Variants in LRMDA observed in about 807,000 individuals in gnomAD.
LRMDA encodes the protein leucine rich melanocyte differentiation associated, also known as leucine-rich melanocyte differentiation-associated protein.
A neutral mutation model predicts 29.8 loss-of-function variants in LRMDA; 18 were observed. The ratio of observed to expected loss-of-function variants is 0.60; its 90% CI spans 0.42 to 0.90. The LOEUF (loss-of-function observed/expected upper bound fraction) is 0.90, where lower values mean the gene tolerates loss of function less well. Among genes scored for constraint, LRMDA ranks in the 40% least tolerant of loss-of-function variants. LRMDA has a pLI of 0.00. For synonymous variants in LRMDA, 125 were observed against 109.4 expected (o/e 1.14, Z -0.89); for missense variants, 273 against 273.9 (o/e 1.00, Z 0.02).
intron 6 of LRMDA, among the ~76,000 whole-genome samples, chr10:76,519,971 A>C (rs1380395937): frequency 6.6e-6 from 1 of 151,936 alleles, no homozygotes; most frequent in Non-Finnish European, 1.5e-5. Context: ...GCAGAGGAAA[A>C]CTTTTTACAT....
chr10:75,772,176 G>A (rs946338447), intron 2 of LRMDA, among the ~76,000 whole-genome samples: 2 of 152,086 alleles, frequency 1.3e-5, no homozygotes, highest in Non-Finnish European at 2.9e-5. Context: ...AGAATTACAC[G>A]CTGGCACCAT....
intron 2 of LRMDA, among the ~76,000 whole-genome samples, chr10:75,934,731 C>A (rs916410080): frequency 6.6e-6 from 1 of 152,256 alleles, no homozygotes; most frequent in South Asian, 2.1e-4. Flanking sequence ...GTTTCCTGTT[C>A]ATCTGGGAAT....
At chr10:75,513,696 C>T (rs569003740) in intron 2 of LRMDA, among the ~76,000 whole-genome samples, 13 of 152,194 alleles carry the variant, frequency 8.5e-5, no homozygotes, top group African/African-American at 2.6e-4. Context: ...TTTTGGCTCT[C>T]GGCCCGGTGT....
intron 6 of LRMDA, among the ~76,000 whole-genome samples, chr10:76,524,393 C>T (rs553876026): frequency 3.9e-5 from 6 of 152,272 alleles, no homozygotes; most frequent in African/African-American, 9.6e-5. Flanking sequence ...TTAACGAAAA[C>T]GTAAACTCTG....
At chr10:76,453,193 A>G (rs1225784387) in intron 6 of LRMDA, among the ~76,000 whole-genome samples, 1 of 152,196 alleles carries the variant, frequency 6.6e-6, no homozygotes, top group South Asian at 2.1e-4. Context: ...AGGACTGATC[A>G]GTGGGTTGGA....
chr10:75,861,906 C>T (rs1483578965), intron 2 of LRMDA, among the ~76,000 whole-genome samples: 2 of 152,122 alleles, frequency 1.3e-5, no homozygotes. Flanking sequence ...TTAGAATCCA[C>T]CTGCCAGGTA....
At chr10:75,628,948 T>A (rs1841285657) in intron 2 of LRMDA, among the ~76,000 whole-genome samples, 1 of 152,254 alleles carries the variant, frequency 6.6e-6, no homozygotes, top group Non-Finnish European at 1.5e-5. Flanking sequence ...CAAATAGCCA[T>A]GGACCCCAAG....
chr10:75,903,120 A>G (rs899623261), intron 2 of LRMDA, among the ~76,000 whole-genome samples: 10 of 152,218 alleles, frequency 6.6e-5, no homozygotes, highest in African/African-American at 2.2e-4. Context: ...GTTAAAATCA[A>G]CGTATCTTGC....
intron 5 of LRMDA, among the ~76,000 whole-genome samples, chr10:76,278,098 C>T (rs1040207705): frequency 3.3e-5 from 5 of 152,148 alleles, no homozygotes; most frequent in African/African-American, 1.2e-4. Context: ...GATTTGGATG[C>T]ATTAATGAGA....
intron 2 of LRMDA, among the ~76,000 whole-genome samples, chr10:75,809,727 G>T (rs1321651313): frequency 6.6e-6 from 1 of 152,162 alleles, no homozygotes; most frequent in East Asian, 1.9e-4. Context: ...CCAACCAGTA[G>T]TCACTCACGT....
At chr10:76,210,715 C>A (rs568936051) in intron 5 of LRMDA, among the ~76,000 whole-genome samples, 153 of 152,232 alleles carry the variant, frequency 1.0e-3, no homozygotes, top group African/African-American at 3.5e-3. Context: ...ATTCATCACC[C>A]TTCTATGAAG....
At chr10:76,203,769 A>G (rs1426899111) in intron 5 of LRMDA, among the ~76,000 whole-genome samples, 1 of 145,046 alleles carries the variant, frequency 6.9e-6, no homozygotes, top group Non-Finnish European at 1.5e-5. Context: ...GTGCCCATCT[A>G]CCCATCTCTA....
intron 6 of LRMDA, among the ~76,000 whole-genome samples, chr10:76,338,396 A>ATAAC (rs1481493058): frequency 6.6e-6 from 1 of 151,268 alleles, no homozygotes; most frequent in Non-Finnish European, 1.5e-5. Context: ...AAATAAATAA[A>ATAAC]TAATAAATAA....
At chr10:75,989,172 T>C in intron 2 of LRMDA, among the ~76,000 whole-genome samples, 1 of 152,216 alleles carries the variant, frequency 6.6e-6, no homozygotes, top group African/African-American at 2.4e-5. Context: ...GCTCAATAAA[T>C]GTTGGTGAGT....
intron 6 of LRMDA, among the ~76,000 whole-genome samples, chr10:76,476,554 GC>G (rs1231480307): frequency 6.6e-6 from 1 of 152,100 alleles, no homozygotes; most frequent in Admixed American, 6.6e-5. Flanking sequence ...ATTTTATGAG[GC>G]CAGCATCATC....
intron 5 of LRMDA, among the ~76,000 whole-genome samples, chr10:76,211,460 T>C (rs915144773): frequency 9.2e-5 from 14 of 152,252 alleles, no homozygotes; most frequent in Admixed American, 3.3e-4. Context: ...GAAGTCTTAC[T>C]ACACATCCAA....
chr10:76,415,023 G>A (rs937343180), intron 6 of LRMDA, among the ~76,000 whole-genome samples: 3 of 152,230 alleles, frequency 2.0e-5, no homozygotes, highest in Non-Finnish European at 2.9e-5. Flanking sequence ...TGTGGCATCC[G>A]CCACAACTCT....
At chr10:76,015,246 G>A (rs1847861536) in intron 2 of LRMDA, among the ~76,000 whole-genome samples, 1 of 152,162 alleles carries the variant, frequency 6.6e-6, no homozygotes, top group African/African-American at 2.4e-5. Flanking sequence ...AGCTTCTGTG[G>A]GCCAAGAGTT....
chr10:76,340,537 A>G (rs1033496504), intron 6 of LRMDA, among the ~76,000 whole-genome samples: 1 of 146,614 alleles, frequency 6.8e-6, no homozygotes, highest in Non-Finnish European at 1.5e-5. Context: ...AAAAAAAAAA[A>G]GAGAGAGAGA....
Sources: allele counts gnomAD v4.1 joint callset (sites outside exome capture counted in the v4.1 genomes callset), GRCh38; gene constraint gnomAD v4.1.1; transcripts MANE v1.5; gene names NCBI Gene and HGNC (gene_info 2026-07-23, HGNC 2026-07-21).